The following SNRPA variants were observed in gnomAD, a reference collection of about 807,000 sequenced individuals.
The protein encoded by SNRPA is small nuclear ribonucleoprotein polypeptide A, also known as U1 small nuclear ribonucleoprotein A.
SNRPA carries 10 observed loss-of-function variants against 24.5 expected under a neutral mutation model. The ratio of observed to expected loss-of-function variants is 0.41; its 90% CI spans 0.25 to 0.69. The LOEUF (loss-of-function observed/expected upper bound fraction) is 0.69, where lower values mean the gene tolerates loss of function less well. Ranked by LOEUF, SNRPA falls within the 30% of genes least tolerant of loss-of-function variation. The pLI, the probability that SNRPA is intolerant of heterozygous loss-of-function variation, is 0.33. For synonymous variants in SNRPA, 165 were observed against 148.4 expected, an observed-to-expected ratio of 1.11 and a Z score of -0.81; for missense variants, 283 against 394.7, an observed-to-expected ratio of 0.72 and a Z score of 2.40.
Position 40,751,206 on chromosome 19 carries a change from TC to T in SNRPA, c.-201del. 1 of 596,570 alleles carries T rather than the reference TC, an allele frequency of 1.7e-6. No homozygotes were observed. 37.0% of individuals were successfully genotyped at this position (596,570 alleles called of 1,614,324 possible). ...CGTAGTAAATCTCTCGAGAGTTCTC[TC>T]CGCACGCGGGCTGGAGAAGCGGGTC... On this transcript the variant is annotated 5_prime_UTR_variant, in exon 1 of 6. Coordinates refer to ENST00000243563, the MANE Select transcript of SNRPA (RefSeq NM_004596.5).
chr19:40,753,719 T>C (rs1160601229), intron 1 of SNRPA, among the ~76,000 whole-genome samples: 1 of 151,750 alleles, frequency 6.6e-6, no homozygotes, highest in African/African-American at 2.4e-5. Context: ...TAGAGTGTGG[T>C]GCCCAACCAT....
At chr19:40,759,289 A>G in intron 2 of SNRPA, 142 bp from the exon 3 acceptor site, 1 of 681,434 alleles carries the variant, frequency 1.5e-6, no homozygotes, top group South Asian at 2.3e-5. Flanking sequence ...GCCTCAAGTG[A>G]TCTGCTCGCT....
At chr19:40,756,208 G>A (rs1205406913) in intron 1 of SNRPA, among the ~76,000 whole-genome samples, 5 of 151,622 alleles carry the variant, frequency 3.3e-5, no homozygotes, top group African/African-American at 1.2e-4. Context: ...GGTCAGGCCT[G>A]TAGTAAGCTA....
At chr19:40,759,336 C>T (rs892184097) in intron 2 of SNRPA, 95 bp from the exon 3 acceptor site, 20 of 1,232,728 alleles carry the variant, frequency 1.6e-5, no homozygotes, top group South Asian at 1.5e-4. Context: ...AGGCATGAGC[C>T]GCAGCACCTG....
intron 3 of SNRPA, among the ~76,000 whole-genome samples, chr19:40,760,736 C>G (rs2082927821): frequency 6.6e-6 from 1 of 152,112 alleles, no homozygotes; most frequent in Non-Finnish European, 1.5e-5. Flanking sequence ...GTCAGGAGTT[C>G]AAGACCAGCC....
chr19:40,752,642 C>T (rs1280510423), intron 1 of SNRPA, among the ~76,000 whole-genome samples: 1 of 145,406 alleles, frequency 6.9e-6, no homozygotes, highest in African/African-American at 2.5e-5. Context: ...GTCCCAGCTA[C>T]TTGGGAGGCT....
chr19:40,765,263 C>T lies in SNRPA; in HGVS notation c.*96C>T. On this transcript the variant is annotated 3_prime_UTR_variant, in exon 6 of 6. Coordinates refer to ENST00000243563, the MANE Select transcript of SNRPA (RefSeq NM_004596.5). ...TGAAGGTAAGTCCCCCCTTGGGGGCCTTCTTGGAGCCGTGTGTGAGTGAGT... is the reference window on the plus strand; with the variant it reads ...TGAAGGTAAGTCCCCCCTTGGGGGCTTTCTTGGAGCCGTGTGTGAGTGAGT... 3.9e-6 allele frequency: 3 copies of T among 768,388 alleles called. No homozygotes were observed. Among genetic ancestry groups the T allele is most frequent in the Non-Finnish European group, 5.8e-6 (3 of 519,218 alleles). The allele number at this position is 768,388 out of a possible 1,614,324, so 47.6% of individuals were successfully genotyped here.
intron 5 of SNRPA, among the ~76,000 whole-genome samples, chr19:40,764,094 TGCCTGGCGTCAGGGTGGAG>T (rs113235092): frequency 0.014 from 2,170 of 152,306 alleles, 66 homozygotes; most frequent in African/African-American, 0.05. Flanking sequence ...GAAACTCTTG[TGCCTGGCGTCAGGGTGGAG>T]GCCGGTGCAG....
intron 3 of SNRPA, among the ~76,000 whole-genome samples, chr19:40,762,627 G>A (rs1218055204): frequency 2.0e-5 from 3 of 152,094 alleles, no homozygotes; most frequent in Admixed American, 6.6e-5. Context: ...CTGGAGTGCT[G>A]TGGCACAATC....
At chr19:40,763,538 C>T (rs753949196) in intron 4 of SNRPA, 49 bp from the exon 5 acceptor site, 4 of 1,443,684 alleles carry the variant, frequency 2.8e-6, no homozygotes, top group Non-Finnish European at 3.9e-6. Context: ...ATGGGTCTCC[C>T]ACTGGACTCA....
At position 40,757,102 on chromosome 19, in the gene SNRPA, T is replaced by G. The variant is rs1487611605; in HGVS notation, c.74-230T>G. On this transcript the variant is annotated intron_variant, in intron 1 of 5. Coordinates refer to ENST00000243563, the MANE Select transcript of SNRPA (RefSeq NM_004596.5). ...TGCTGTCCTGAGCACTTTGCATGTA[T>G]GTGCACATGTTCATTATATAGCAGC... 6 of 538,680 alleles carry G rather than the reference T, an allele frequency of 1.1e-5. No homozygotes were observed. The South Asian group carries it at 1.2e-4, about 11-fold the overall frequency. 33.4% of individuals were successfully genotyped at this position (538,680 alleles called of 1,614,324 possible).
At position 40,764,430 on chromosome 19, in the gene SNRPA, T is replaced by C. The variant is rs150491741; in HGVS notation, c.690-578T>C. Reference sequence around the variant, plus strand: ...CACAAAGCTGTATATTTTGTGAGAATGCCGATGGAAAAAAGGATACCTAGT... The same window carrying C: ...CACAAAGCTGTATATTTTGTGAGAACGCCGATGGAAAAAAGGATACCTAGT... On this transcript the variant is annotated intron_variant, in intron 5 of 5. Coordinates refer to ENST00000243563, the MANE Select transcript of SNRPA (RefSeq NM_004596.5). Among the ~76,000 whole-genome samples, 12 of 152,226 alleles carry C rather than the reference T, an allele frequency of 7.9e-5. No individual in the cohort carries two copies. In the East Asian group the frequency reaches 1.7e-3, roughly 22 times the overall value.
intron 3 of SNRPA, among the ~76,000 whole-genome samples, chr19:40,760,626 C>A (rs2082927365): frequency 6.6e-6 from 1 of 152,154 alleles, no homozygotes; most frequent in Non-Finnish European, 1.5e-5. Context: ...AGCACCAGGA[C>A]CTGCATGACC....
chr19:40,751,863 TG>T (rs2082870767), intron 1 of SNRPA, among the ~76,000 whole-genome samples: 1 of 152,208 alleles, frequency 6.6e-6, no homozygotes, highest in Non-Finnish European at 1.5e-5. Flanking sequence ...GGGCAAGGAC[TG>T]GGGCTTTCTT....
At chr19:40,752,325 G>A (rs1448860924) in intron 1 of SNRPA, among the ~76,000 whole-genome samples, 1 of 151,000 alleles carries the variant, frequency 6.6e-6, no homozygotes, top group Non-Finnish European at 1.5e-5. Flanking sequence ...CAACAAGAGC[G>A]AAACTCCGTC....
intron 5 of SNRPA, among the ~76,000 whole-genome samples, chr19:40,764,711 T>A (rs1180890349): frequency 6.6e-6 from 1 of 152,130 alleles, no homozygotes; most frequent in Non-Finnish European, 1.5e-5. Context: ...TTGGTTATTT[T>A]TTTGGTGTGG....
Position 40,755,263 on chromosome 19 carries a change from TTTTTTTTTTTTTTTTTTTGGCA to T in SNRPA, c.74-2063_74-2042del, listed in dbSNP as rs551413081. On this transcript the variant is annotated intron_variant, in intron 1 of 5. Coordinates refer to ENST00000243563, the MANE Select transcript of SNRPA (RefSeq NM_004596.5). Reference sequence around the variant, plus strand: ...AGCTAATTTTTTTTCTTTTCTTTTTTTTTTTTTTTTTTTTTTTTGGCATTTTTAGTCAAGACGGGGTTTCACC... The same window carrying T: ...AGCTAATTTTTTTTCTTTTCTTTTTTTTTTTAGTCAAGACGGGGTTTCACC... Among the ~76,000 whole-genome samples, 68 of 140,060 alleles carry T rather than the reference TTTTTTTTTTTTTTTTTTTGGCA, an allele frequency of 4.9e-4. No homozygotes were observed. In the East Asian group the frequency reaches 0.018, roughly 37 times the overall value. 91.9% of individuals were successfully genotyped at this position (140,060 alleles called of 152,430 possible).
In SNRPA at chr19:40,757,399, G is replaced by A. The variant is rs775410017; in HGVS notation, c.141G>A (p.Arg47=). The change falls in exon 2 of 6, where the codon CGG becomes CGA. Residue 47 remains arginine, a synonymous_variant. Transcript: ENST00000243563. ...AGATCCTGGATATCCTGGTATCACGGAGCCTGAAGATGAGGGGCCAGGCCT... is the reference window on the plus strand; with the variant it reads ...AGATCCTGGATATCCTGGTATCACGAAGCCTGAAGATGAGGGGCCAGGCCT... ...FGQILDILVS[R]SLKMRGQAFV... is the part of the protein sequence containing the mutation. 1.2e-6 allele frequency: 2 copies of A among 1,614,118 alleles called. No individual in the cohort carries two copies. The highest frequency in any genetic ancestry group is 2.2e-5 in the South Asian group (2 of 91,078).
At position 40,751,553 on chromosome 19, in the gene SNRPA, GC is replaced by G; in HGVS notation, c.73+74del. ...GGCCCCTCTTCCGTCCCCTGCACCC[GC>G]CTCTCTTTCTAAGTGTTTGTCCAGC... On this transcript the variant is annotated intron_variant, in intron 1 of 5. Coordinates refer to ENST00000243563, the MANE Select transcript of SNRPA (RefSeq NM_004596.5). The G allele has an allele frequency of 2.7e-6, 3 of 1,100,596 alleles. No homozygotes were observed. In the South Asian group the frequency reaches 3.7e-5, roughly 14 times the overall value. 68.2% of individuals were successfully genotyped at this position (1,100,596 alleles called of 1,614,324 possible). A position where few individuals can be genotyped will look rare whatever the true frequency, so the allele number is the denominator to read the frequency against.
Sources: allele counts gnomAD v4.1 joint callset (sites outside exome capture counted in the v4.1 genomes callset), GRCh38; gene constraint gnomAD v4.1.1; transcripts MANE v1.5; gene names NCBI Gene and HGNC (gene_info 2026-07-23, HGNC 2026-07-21).